The following RPS4X variants were observed in gnomAD, a reference collection of about 807,000 sequenced individuals.
The protein encoded by RPS4X is ribosomal protein S4 X-linked.
For synonymous variants in RPS4X, 76 were observed against 76.8 expected (o/e 0.99, Z 0.06); for missense variants, 90 against 219.1 (o/e 0.41, Z 3.72).
intron 3 of RPS4X, 151 bp downstream of exon 3, chrX:72,275,393 T>C (rs1441963123): frequency 4.0e-6 from 2 of 498,312 alleles, no homozygotes; most frequent in African/African-American, 2.4e-5. Flanking sequence ...ATTATTTGCA[T>C]GTTTTTTATT....
chrX:72,275,610 T>G lies in RPS4X; in HGVS notation c.196A>C (p.Met66Leu). ...LTGDEVKKIC[M>L]QRFIKIDGKV... is the part of the protein sequence containing the mutation. The stretch of plus-strand genomic sequence containing the variant: ...CCATCGATTTTAATGAACCGCTGCA[T>G]GCAAATCTTCTTTACTTCATCTCCT... Residue 66 changes from methionine to leucine, a missense_variant, in exon 3 of 7, where the codon ATG becomes CTG. By Grantham distance (15) the Met-to-Leu change is conservative. Coordinates refer to ENST00000316084, the MANE Select transcript of RPS4X (RefSeq NM_001007.5). 1 of 1,211,065 alleles carries G rather than the reference T, an allele frequency of 8.3e-7. No individual in the cohort carries two copies. The highest frequency in any genetic ancestry group is 1.8e-5 in the South Asian group (1 of 56,932).
intron 1 of RPS4X, 40 bp downstream of exon 1, chrX:72,277,153 G>A (rs781350183): frequency 1.1e-5 from 13 of 1,207,801 alleles, no homozygotes; most frequent in Admixed American, 2.2e-5. Flanking sequence ...GGAGGATGGA[G>A]GCGGATACGT....
chrX:72,273,988 G>GGTTA lies in RPS4X; in HGVS notation c.361-20_361-17dup, dbSNP rs759244569. The GGTTA allele has an allele frequency of 9.2e-6, 11 of 1,199,986 alleles. No individual in the cohort carries two copies. In the Admixed American group the frequency reaches 2.4e-4, roughly 26 times the overall value. ...ACAACTTGTACTAGAAAAATACAAG[G>GGTTA]GTTAGCCACATTCAATCCATCTCAC... On this transcript the variant is annotated splice_polypyrimidine_tract_variant and intron_variant, in intron 4 of 6. Coordinates refer to ENST00000316084, the MANE Select transcript of RPS4X (RefSeq NM_001007.5).
intron 2 of RPS4X, among the ~76,000 whole-genome samples, 159 bp from the exon 3 acceptor site, chrX:72,275,883 A>G (rs2043201006): frequency 8.9e-6 from 1 of 111,846 alleles, no homozygotes; most frequent in Admixed American, 9.5e-5. Flanking sequence ...AAACTATTTC[A>G]TACCTTAAAG....
intron 1 of RPS4X, 117 bp from the exon 2 acceptor site, chrX:72,276,351 G>A: frequency 2.0e-6 from 1 of 506,453 alleles, no homozygotes; most frequent in East Asian, 3.7e-5. Context: ...CAATATTAAA[G>A]TATAGTGTTC....
At chrX:72,277,169 G>A (rs189814576) in intron 1 of RPS4X, 24 bp downstream of exon 1, 1 of 1,209,455 alleles carries the variant, frequency 8.3e-7, no homozygotes, top group East Asian at 3.0e-5. Context: ...TACGTCCTAA[G>A]AGCTCGCTAA....
rs41306127 is a variant in RPS4X at position 72,274,169 on chromosome X, A to G, written c.361-197T>C. 8.6e-3 allele frequency: 3,690 copies of G among 429,396 alleles called. 15 individuals are homozygous for G. Among genetic ancestry groups the G allele is most frequent in the Middle Eastern group, 0.014 (23 of 1,618 alleles). 35.4% of individuals were successfully genotyped at this position (429,396 alleles called of 1,213,427 possible). A position where few individuals can be genotyped will look rare whatever the true frequency, so the allele number is the denominator to read the frequency against. ...TCCACCATTGCCCTCCACTCCTCCA[A>G]TGTAAATGCCACTCCAGTTTCCCAG... On this transcript the variant is annotated intron_variant, in intron 4 of 6. Coordinates refer to ENST00000316084, the MANE Select transcript of RPS4X (RefSeq NM_001007.5).
At chrX:72,274,012 A>C (rs767986467) in intron 4 of RPS4X, 40 bp from the exon 5 acceptor site, 55 of 1,148,534 alleles carry the variant, frequency 4.8e-5, no homozygotes, top group Non-Finnish European at 5.8e-5. Flanking sequence ...AATCCATCTC[A>C]CATGTACTTT....
chrX:72,273,396 AG>A lies in RPS4X; in HGVS notation c.533-8del. 1.7e-6 allele frequency: 2 copies of A among 1,184,015 alleles called. No individual in the cohort carries two copies. The highest frequency in any genetic ancestry group is 2.3e-6 in the Non-Finnish European group (2 of 881,613). On this transcript the variant is annotated splice_polypyrimidine_tract_variant and splice_region_variant and intron_variant, in intron 5 of 6. Coordinates refer to ENST00000316084, the MANE Select transcript of RPS4X (RefSeq NM_001007.5). ...GTCACCATACACAGGTTACCTAGGC[AG>A]GAAGAAATAATCTGCTTCAACTCAA... is the stretch of plus-strand genomic sequence containing the variant.
Position 72,273,361 on chromosome X carries a change from A to G in RPS4X, c.561T>C (p.Ala187=). Residue 187 remains alanine, a synonymous_variant, in exon 6 of 7, where the codon GCT becomes GCC. Transcript: ENST00000316084. ...TGATCACACCAATTCTTCCTAGGTT[A>G]GCACCTCCAGTCACCATACACAGGT... ...TGNLCMVTGG[A]NLGRIGVITN... is the part of the protein sequence containing the mutation. 3.3e-6 allele frequency: 4 copies of G among 1,208,091 alleles called. No individual in the cohort carries two copies. The highest frequency in any genetic ancestry group is 3.4e-6 in the Non-Finnish European group (3 of 893,628).
In RPS4X at chrX:72,273,240, T is replaced by C; in HGVS notation, c.682A>G (p.Ile228Val). The change falls in exon 6 of 7, where the codon ATT (isoleucine) becomes GTT (valine). Residue 228 changes from isoleucine (I) to valine (V), a missense_variant. By Grantham distance (29) the Ile-to-Val change is conservative. Coordinates refer to ENST00000316084, the MANE Select transcript of RPS4X (RefSeq NM_001007.5). ...GGAAAACCCAGACTTACCTTGCCAA[T>C]AACAAAAATGTTGGAAAGTCGAGTG... ...FATRLSNIFV[I>V]GKGNKPWISL... is the part of the protein sequence containing the mutation. 1.7e-6 allele frequency: 2 copies of C among 1,207,089 alleles called. No homozygotes were observed. Among genetic ancestry groups the C allele is most frequent in the East Asian group, 5.9e-5 (2 of 33,802 alleles).
chrX:72,273,097 C>T (rs1384885384), intron 6 of RPS4X, 135 bp downstream of exon 6: 1 of 572,703 alleles, frequency 1.7e-6, no homozygotes, highest in East Asian at 3.5e-5. Context: ...CAGCCCAGCT[C>T]TGCGTGAGTC....
At chrX:72,273,420 C>T (rs773945585) in intron 5 of RPS4X, 31 bp from the exon 6 acceptor site, 6 of 1,137,021 alleles carry the variant, frequency 5.3e-6, no homozygotes, top group African/African-American at 1.8e-5. Flanking sequence ...TGCTTCAACT[C>T]AATATAACAA....
intron 4 of RPS4X, chrX:72,274,187 T>C (rs1252768073): frequency 2.4e-6 from 1 of 417,912 alleles, no homozygotes; most frequent in Non-Finnish European, 4.3e-6. Flanking sequence ...GCCACTCCAG[T>C]TTCCCAGGCT....
At position 72,276,144 on chromosome X, in the gene RPS4X, A is replaced by G. The variant is rs746062118; in HGVS notation, c.81+13T>C. On this transcript the variant is annotated intron_variant, in intron 2 of 6. Coordinates refer to ENST00000316084, the MANE Select transcript of RPS4X (RefSeq NM_001007.5). ...AAACAGTGGCCACGGAAATATTTATATAAGATACTTACAAACACACCGGTC... is the reference window on the plus strand; with the variant it reads ...AAACAGTGGCCACGGAAATATTTATGTAAGATACTTACAAACACACCGGTC... 8.4e-7 allele frequency: 1 copy of G among 1,190,657 alleles called. No homozygotes were observed. Among genetic ancestry groups the G allele is most frequent in the African/African-American group, 1.7e-5 (1 of 57,409 alleles).
At chrX:72,274,629 C>A in intron 4 of RPS4X, 1 of 254,486 alleles carries the variant, frequency 3.9e-6, no homozygotes, top group Non-Finnish European at 7.6e-6. Context: ...CGACACCTTC[C>A]CCTCCCCAAA....
chrX:72,276,214 A>G lies in RPS4X; in HGVS notation c.24T>C (p.His8=). The stretch of plus-strand genomic sequence containing the variant: ...GCTTTGGAGCTGCCACCCGCTTCAG[A>G]TGCTTCTTGGGACCACGAGCCTGAA... MARGPKK[H]LKRVAAPKHW... The change falls in exon 2 of 7, where the codon CAT becomes CAC. Residue 8 remains histidine, a synonymous_variant. Coordinates refer to ENST00000316084, the MANE Select transcript of RPS4X (RefSeq NM_001007.5). The G allele has an allele frequency of 8.3e-7, 1 of 1,210,527 alleles. No individual in the cohort carries two copies. The highest frequency in any genetic ancestry group is 1.7e-5 in the African/African-American group (1 of 57,808).
rs1259027505 is a variant in RPS4X at position 72,274,879 on chromosome X, A to C, written c.360+174T>G. 5 of 409,209 alleles carry C rather than the reference A, an allele frequency of 1.2e-5. No individual in the cohort carries two copies. In the East Asian group the frequency reaches 2.0e-4, roughly 16 times the overall value. 33.7% of individuals were successfully genotyped at this position (409,209 alleles called of 1,213,427 possible). The stretch of plus-strand genomic sequence containing the variant: ...TATCAGCCAGACTTTTAATAACATG[A>C]CAAAAAGTTACATGTAAGACAGAAT... On this transcript the variant is annotated intron_variant, in intron 4 of 6. Coordinates refer to ENST00000316084, the MANE Select transcript of RPS4X (RefSeq NM_001007.5).
intron 5 of RPS4X, 86 bp downstream of exon 5, chrX:72,273,715 T>A (rs1385085201): frequency 1.2e-6 from 1 of 829,424 alleles, no homozygotes; most frequent in African/African-American, 2.0e-5. Flanking sequence ...GAGCAGATGG[T>A]TTTTAATAAA....
Sources: gnomAD v4.1 joint callset for allele counts (sites outside exome capture counted in the v4.1 genomes callset) on GRCh38, gnomAD v4.1.1 for gene constraint, MANE v1.5 for transcripts, NCBI Gene and HGNC (gene_info 2026-07-23, HGNC 2026-07-21) for gene names.